Variants in DOCK1 observed in about 807,000 individuals in gnomAD.
DOCK1 encodes dedicator of cytokinesis protein 1.
A neutral mutation model predicts 262.7 loss-of-function variants in DOCK1; 138 were observed. The ratio of observed to expected loss-of-function variants is 0.53; its 90% CI spans 0.46 to 0.61. The LOEUF is 0.61. Among genes scored for constraint, DOCK1 ranks in the 20% least tolerant of loss-of-function variants. The probability of loss-of-function intolerance (pLI) is 0.00; values close to 1 mark genes in which losing one functional copy is unlikely to be tolerated. For synonymous variants in DOCK1, 866 were observed against 867.4 expected, an observed-to-expected ratio of 1.00 and a Z score of 0.03; for missense variants, 1,908 against 2,370.7, an observed-to-expected ratio of 0.80 and a Z score of 4.05.
chr10:127,216,822 G>C (rs1249514259), intron 27 of DOCK1, among the ~76,000 whole-genome samples: 3 of 152,142 alleles, frequency 2.0e-5, no homozygotes, highest in Non-Finnish European at 4.4e-5. Context: ...TAATAAACTT[G>C]CTAGTTGAAT....
At chr10:127,271,464 A>G (rs1224194208) in intron 29 of DOCK1, among the ~76,000 whole-genome samples, 1 of 152,208 alleles carries the variant, frequency 6.6e-6, no homozygotes, top group African/African-American at 2.4e-5. Flanking sequence ...ATACATCTTC[A>G]GGTCTATAAA....
intron 29 of DOCK1, among the ~76,000 whole-genome samples, chr10:127,306,549 T>C (rs1564979905): frequency 6.6e-6 from 1 of 152,158 alleles, no homozygotes. Context: ...CAGCTTTTGG[T>C]ACAGGAGCTC....
At position 127,426,319 on chromosome 10, in the gene DOCK1, C is replaced by T. The variant is rs149881264; in HGVS notation, c.4914+308C>T. ...GCAGAGCAATGGAGAAATCTCACAG[C>T]GCCCAGGCAACTCAGCTGGTTGACA... On this transcript the variant is annotated intron_variant, in intron 47 of 51. Transcript: ENST00000623213. 1.3e-4 allele frequency among the ~76,000 whole-genome samples: 20 copies of T among 152,312 alleles called. No homozygotes were observed. The East Asian group carries it at 2.9e-3, about 22-fold the overall frequency.
chr10:126,916,828 G>T (rs868539117), intron 1 of DOCK1, among the ~76,000 whole-genome samples: 30 of 152,050 alleles, frequency 2.0e-4, no homozygotes, highest in South Asian at 1.0e-3. Context: ...GTCTGATACA[G>T]CCAACTCTTC....
At chr10:127,192,531 A>G in intron 27 of DOCK1, 1 of 152,202 alleles carries the variant, frequency 6.6e-6, no homozygotes, top group East Asian at 1.9e-4. Flanking sequence ...AAGTCCCTCA[A>G]CCCATTCATT....
intron 50 of DOCK1, among the ~76,000 whole-genome samples, chr10:127,445,309 G>A (rs550937831): frequency 1.2e-3 from 179 of 152,288 alleles, no homozygotes; most frequent in African/African-American, 3.6e-3. Flanking sequence ...CTGTGGCGAG[G>A]GCTGTGCAAG....
intron 25 of DOCK1, among the ~76,000 whole-genome samples, chr10:127,111,265 A>C (rs1225017019): frequency 1.3e-5 from 2 of 152,134 alleles, no homozygotes; most frequent in African/African-American, 4.8e-5. Context: ...AATGCACCAG[A>C]GTGTACACGT....
At chr10:127,342,051 G>A (rs1406688990) in intron 30 of DOCK1, among the ~76,000 whole-genome samples, 1 of 152,134 alleles carries the variant, frequency 6.6e-6, no homozygotes, top group African/African-American at 2.4e-5. Context: ...AGAAGCATTC[G>A]TGTTTTGTTG....
At chr10:127,069,556 A>G (rs563436538) in intron 23 of DOCK1, among the ~76,000 whole-genome samples, 6 of 152,228 alleles carry the variant, frequency 3.9e-5, no homozygotes, top group African/African-American at 1.4e-4. Flanking sequence ...GTGTTAATTG[A>G]TCTGAGGATG....
chr10:127,176,118 C>A lies in DOCK1; in HGVS notation c.2847+48354C>A. On this transcript the variant is annotated intron_variant, in intron 27 of 51. Transcript: ENST00000623213. This position sits in a 1 kb window ranked among gnomAD's most constrained non-coding sequence, Gnocchi z 4.4. ...CTTGGTGACGTTGGGGATGGACCTG[C>A]GTGCGGGCACTGTCATGTATTTGCG... is the stretch of plus-strand genomic sequence containing the variant. 1 of 1,614,120 alleles carries A rather than the reference C, an allele frequency of 6.2e-7. No homozygotes were observed.
intron 27 of DOCK1, among the ~76,000 whole-genome samples, chr10:127,169,158 A>G (rs781763159): frequency 6.6e-6 from 1 of 152,218 alleles, no homozygotes; most frequent in Non-Finnish European, 1.5e-5. Flanking sequence ...AGATGCTGTC[A>G]TATACATTAT....
intron 27 of DOCK1, among the ~76,000 whole-genome samples, chr10:127,143,992 C>T (rs1447232091): frequency 6.6e-6 from 1 of 152,194 alleles, no homozygotes. Context: ...ACTGCAGACC[C>T]TGGAATCAAG....
chr10:127,345,485 C>A (rs142721034), intron 31 of DOCK1, among the ~76,000 whole-genome samples: 8 of 152,162 alleles, frequency 5.3e-5, no homozygotes, highest in Non-Finnish European at 8.8e-5. Context: ...TTGGTCTGCA[C>A]CTATCTAAGT....
chr10:127,193,308 G>T (rs1274199592), intron 27 of DOCK1, among the ~76,000 whole-genome samples: 3 of 152,092 alleles, frequency 2.0e-5, no homozygotes, highest in African/African-American at 7.2e-5. Flanking sequence ...ACGGTGGTTT[G>T]CCTCAAGTAT....
chr10:126,978,089 ATC>A (rs2038683405), intron 3 of DOCK1, 101 bp downstream of exon 3: 4 of 1,185,880 alleles, frequency 3.4e-6, no homozygotes, highest in East Asian at 2.4e-5. Flanking sequence ...TTACTTCTAT[ATC>A]TCTTTCTCTG....
chr10:127,170,436 C>A (rs562190454), intron 27 of DOCK1, among the ~76,000 whole-genome samples: 1 of 152,204 alleles, frequency 6.6e-6, no homozygotes, highest in Non-Finnish European at 1.5e-5. Flanking sequence ...AGATTCTGAT[C>A]ATGTGCTTGA....
In DOCK1 at chr10:127,175,937, A is replaced by G. The variant is rs201298990; in HGVS notation, c.2847+48173A>G. 9 of 1,614,094 alleles carry G rather than the reference A, an allele frequency of 5.6e-6. No individual in the cohort carries two copies. The highest frequency in any genetic ancestry group is 1.7e-5 in the Admixed American group (1 of 60,010). ...ATGGCCGGGCCTCCTCCATGGGTCC[A>G]GCCTCGTTCTTCTCTTTCGCATCTG... On this transcript the variant is annotated intron_variant, in intron 27 of 51. Transcript: ENST00000623213. This position sits in a 1 kb window ranked among gnomAD's most constrained non-coding sequence, Gnocchi z 6.3.
At chr10:126,922,315 G>T (rs978169341) in intron 1 of DOCK1, among the ~76,000 whole-genome samples, 1 of 151,578 alleles carries the variant, frequency 6.6e-6, no homozygotes, top group Non-Finnish European at 1.5e-5. Flanking sequence ...AGAGGCATCC[G>T]GAAACTTCCA....
chr10:127,316,986 C>G (rs563042455), intron 29 of DOCK1, among the ~76,000 whole-genome samples: 6 of 152,144 alleles, frequency 3.9e-5, no homozygotes, highest in Non-Finnish European at 7.3e-5. Context: ...TCCACTGTGC[C>G]GTCACTGGCT....
Sources: gnomAD v4.1 joint callset for allele counts (sites outside exome capture counted in the v4.1 genomes callset) on GRCh38, gnomAD v4.1.1 for gene constraint, Gnocchi (gnomAD v3.1) non-coding constraint, MANE v1.5 for transcripts, NCBI Gene and HGNC (gene_info 2026-07-23, HGNC 2026-07-21) for gene names.